Variants in COL25A1 observed in about 807,000 individuals in gnomAD.
COL25A1 encodes the protein collagen alpha-1(XXV) chain.
A neutral mutation model predicts 128.4 loss-of-function variants in COL25A1; 103 were observed. The ratio of observed to expected loss-of-function variants is 0.80; its 90% CI spans 0.68 to 0.94. The LOEUF is 0.94. COL25A1 is among the 40% of genes least tolerant of loss of function. COL25A1 has a pLI of 0.00. For missense variants in COL25A1, 745 were observed against 840.0 expected (o/e 0.89, Z 1.40); for synonymous variants, 279 against 277.2 (o/e 1.01, Z -0.06).
At chr4:109,031,095 T>C (rs1758808009) in intron 5 of COL25A1, among the ~76,000 whole-genome samples, 2 of 152,000 alleles carry the variant, frequency 1.3e-5, no homozygotes, top group Admixed American at 1.3e-4. Flanking sequence ...TGTTTTCTTA[T>C]GCCACACAAC....
At position 108,831,961 on chromosome 4, in the gene COL25A1, C is replaced by T. The variant is rs572347558; in HGVS notation, c.1710+419G>A. 3.4e-3 allele frequency among the ~76,000 whole-genome samples: 511 copies of T among 152,238 alleles called. 2 individuals carry two copies. Among genetic ancestry groups the T allele is most frequent in the Non-Finnish European group, 4.9e-3 (331 of 68,010 alleles). Reference sequence around the variant, plus strand: ...TGTGCAGAAAAGAATACTTAGGTTTCATTATTTCCTTTGGAAAAAAGTTAT... The same window carrying T: ...TGTGCAGAAAAGAATACTTAGGTTTTATTATTTCCTTTGGAAAAAAGTTAT... On this transcript the variant is annotated intron_variant, in intron 32 of 37. Transcript: ENST00000399132.
intron 32 of COL25A1, 24 bp downstream of exon 32, chr4:108,832,356 T>C: frequency 1.3e-6 from 2 of 1,584,494 alleles, no homozygotes; most frequent in Non-Finnish European, 1.7e-6. Context: ...TAGTACAAGC[T>C]TAATAACCTC....
chr4:109,239,334 T>C (rs1343629255), intron 3 of COL25A1, among the ~76,000 whole-genome samples: 4 of 146,454 alleles, frequency 2.7e-5, no homozygotes, highest in East Asian at 3.9e-4. Flanking sequence ...ATAGTAATAT[T>C]TATATTATTA....
At chr4:108,846,905 A>ATTTTTTTTTT (rs36023184) in intron 27 of COL25A1, among the ~76,000 whole-genome samples, 1 of 131,816 alleles carries the variant, frequency 7.6e-6, no homozygotes, top group Non-Finnish European at 1.6e-5. Context: ...GAATTTTGTA[A>ATTTTTTTTTT]TTTTTTTTTT....
At position 108,832,317 on chromosome 4, in the gene COL25A1, T is replaced by C. The variant is rs188317027; in HGVS notation, c.1710+63A>G. 3.5e-4 allele frequency: 401 copies of C among 1,142,576 alleles called. 1 individual carries two copies. Among genetic ancestry groups the C allele is most frequent in the Non-Finnish European group, 3.2e-5 (25 of 779,158 alleles). 70.8% of individuals were successfully genotyped at this position (1,142,576 alleles called of 1,614,324 possible). On this transcript the variant is annotated intron_variant, in intron 32 of 37. Coordinates refer to ENST00000399132, the MANE Select transcript of COL25A1 (RefSeq NM_198721.4). ...TCTGAAAAATGAACAGTTAAATTAA[T>C]ATGGAAAAGCCATGCTCTGTGTTTT...
rs527907685 is a variant in COL25A1 at position 108,835,267 on chromosome 4, C to T, written c.1657-2834G>A. On this transcript the variant is annotated intron_variant, in intron 31 of 37. Coordinates refer to ENST00000399132, the MANE Select transcript of COL25A1 (RefSeq NM_198721.4). ...TATTTCTTTAATATGGTTTTTGTGTCTCAAAGCCCAAATATTTATTTATAG... is the reference window on the plus strand; with the variant it reads ...TATTTCTTTAATATGGTTTTTGTGTTTCAAAGCCCAAATATTTATTTATAG... 3.4e-4 allele frequency among the ~76,000 whole-genome samples: 52 copies of T among 152,188 alleles called. No homozygotes were observed. In the South Asian group the frequency reaches 7.3e-3, roughly 21 times the overall value.
At chr4:109,080,352 A>T (rs889278101) in intron 3 of COL25A1, among the ~76,000 whole-genome samples, 1 of 152,128 alleles carries the variant, frequency 6.6e-6, no homozygotes, top group Non-Finnish European at 1.5e-5. Flanking sequence ...AAATATAATA[A>T]TAATAAATAC....
intron 26 of COL25A1, 25 bp downstream of exon 26, chr4:108,852,211 T>C (rs374434844): frequency 3.8e-5 from 60 of 1,585,778 alleles, no homozygotes; most frequent in Non-Finnish European, 5.1e-5. Flanking sequence ...ATGTGATAAA[T>C]GGAAACAAGT....
intron 3 of COL25A1, among the ~76,000 whole-genome samples, chr4:109,051,547 G>A (rs1760987368): frequency 6.6e-6 from 1 of 151,648 alleles, no homozygotes; most frequent in Non-Finnish European, 1.5e-5. Flanking sequence ...TCATATAAAT[G>A]AGTAAATGAG....
At chr4:109,048,982 CA>C (rs1386032334) in intron 4 of COL25A1, among the ~76,000 whole-genome samples, 1 of 151,696 alleles carries the variant, frequency 6.6e-6, no homozygotes, top group East Asian at 1.9e-4. Context: ...TACAAGTTTC[CA>C]ATTATTTAGA....
intron 5 of COL25A1, among the ~76,000 whole-genome samples, chr4:109,010,944 A>G (rs1756525394): frequency 6.6e-6 from 1 of 152,246 alleles, no homozygotes; most frequent in Non-Finnish European, 1.5e-5. Context: ...TTTTAAAAGG[A>G]TATCAGAGGT....
intron 3 of COL25A1, among the ~76,000 whole-genome samples, chr4:109,053,334 C>G (rs1403017803): frequency 2.0e-5 from 3 of 152,216 alleles, no homozygotes; most frequent in African/African-American, 7.2e-5. Flanking sequence ...CAACTCCAGA[C>G]AGACCCCGTT....
chr4:109,116,315 A>G (rs529534567), intron 3 of COL25A1, among the ~76,000 whole-genome samples: 1 of 152,192 alleles, frequency 6.6e-6, no homozygotes, highest in South Asian at 2.1e-4. Context: ...CTTGTCAACA[A>G]GGCCTCCATC....
intron 2 of COL25A1, among the ~76,000 whole-genome samples, chr4:109,301,155 G>A (rs916791104): frequency 6.6e-6 from 1 of 151,584 alleles, no homozygotes; most frequent in African/African-American, 2.4e-5. Flanking sequence ...CAATTCCAAG[G>A]GCTCTGCATT....
chr4:109,187,506 G>A (rs144565836), intron 3 of COL25A1, among the ~76,000 whole-genome samples: 38 of 152,278 alleles, frequency 2.5e-4, no homozygotes, highest in Middle Eastern at 6.8e-3. Context: ...GGGTTGGCAC[G>A]AGAATTAAAT....
chr4:108,999,663 A>C (rs1755155715), intron 6 of COL25A1, among the ~76,000 whole-genome samples: 1 of 152,210 alleles, frequency 6.6e-6, no homozygotes, highest in Non-Finnish European at 1.5e-5. Context: ...AGACACATGC[A>C]CACGTATGTT....
chr4:108,936,800 A>AATATATATATAT lies in COL25A1; in HGVS notation c.708+996_708+1007dup, dbSNP rs138668509. On this transcript the variant is annotated intron_variant, in intron 11 of 37. Coordinates refer to ENST00000399132, the MANE Select transcript of COL25A1 (RefSeq NM_198721.4). ...TTCACTAGGACCTACCTGTTTCTTA[A>AATATATATATAT]ATATATATATATATATATATATATT... Among the ~76,000 whole-genome samples, 647 of 134,704 alleles carry AATATATATATAT rather than the reference A, an allele frequency of 4.8e-3. 6 individuals are homozygous for AATATATATATAT. The highest frequency in any genetic ancestry group is 0.019 in the South Asian group (70 of 3,778). The allele number at this position is 134,704 out of a possible 152,430, so 88.4% of individuals were successfully genotyped here.
chr4:109,030,749 T>C lies in COL25A1; in HGVS notation c.420+17419A>G, dbSNP rs186528356. ...TTAAAAATTTTTAAAAGGGTAAAAC[T>C]TCATTTTGTTGTTGTTGTTGTTGTT... On this transcript the variant is annotated intron_variant, in intron 5 of 37. Coordinates refer to ENST00000399132, the MANE Select transcript of COL25A1 (RefSeq NM_198721.4). Among the ~76,000 whole-genome samples, 779 of 148,982 alleles carry C rather than the reference T, an allele frequency of 5.2e-3. 33 individuals are homozygous for C. The East Asian group carries it at 0.11, about 21-fold the overall frequency.
chr4:108,910,325 T>G (rs1744059139), intron 13 of COL25A1, among the ~76,000 whole-genome samples: 1 of 152,230 alleles, frequency 6.6e-6, no homozygotes, highest in Non-Finnish European at 1.5e-5. Context: ...GAGATAATAC[T>G]TCTTACTGAT....
Sources: allele counts gnomAD v4.1 joint callset (sites outside exome capture counted in the v4.1 genomes callset), GRCh38; gene constraint gnomAD v4.1.1; transcripts MANE v1.5; gene names NCBI Gene and HGNC (gene_info 2026-07-23, HGNC 2026-07-21).